DYNLT2B: variants seen among roughly 807,000 people sequenced by gnomAD.
DYNLT2B encodes dynein light chain Tctex-type 2B.
In DYNLT2B, 14 loss-of-function variants were observed where a neutral mutation model predicts 19.5. The observed-to-expected ratio is 0.72, with a 90% CI of 0.47 to 1.12. The LOEUF (loss-of-function observed/expected upper bound fraction) is 1.12. Ranked by LOEUF, DYNLT2B falls within the 50% of genes most tolerant of loss-of-function variation. The pLI is 0.00. For synonymous variants in DYNLT2B, 70 were observed against 59.7 expected (o/e 1.17, Z -0.79); for missense variants, 133 against 174.7 (o/e 0.76, Z 1.35).
At chr3:196,302,693 G>C (rs1182895679) in intron 3 of DYNLT2B, among the ~76,000 whole-genome samples, 1 of 152,142 alleles carries the variant, frequency 6.6e-6, no homozygotes, top group Non-Finnish European at 1.5e-5. Context: ...TGCTCTTTCA[G>C]TGTGGGCTGC....
intron 4 of DYNLT2B, among the ~76,000 whole-genome samples, chr3:196,294,047 A>G (rs1726162594): frequency 6.6e-6 from 1 of 151,904 alleles, no homozygotes; most frequent in Admixed American, 6.6e-5. Context: ...AGGGTAGTTA[A>G]GCATAAAATA....
chr3:196,311,245 T>C (rs896399498), intron 2 of DYNLT2B, among the ~76,000 whole-genome samples: 23 of 151,640 alleles, frequency 1.5e-4, no homozygotes, highest in African/African-American at 5.6e-4. Flanking sequence ...CAAAACCCCG[T>C]CTCTACAAAA....
intron 4 of DYNLT2B, 95 bp downstream of exon 4, chr3:196,295,911 A>G (rs958123082): frequency 3.9e-6 from 4 of 1,018,714 alleles, no homozygotes; most frequent in Non-Finnish European, 6.0e-6. Flanking sequence ...AATGACTAAG[A>G]CAGCAGTGTC....
At chr3:196,317,595 TCC>T (rs1726909945) in intron 1 of DYNLT2B, among the ~76,000 whole-genome samples, 1 of 151,922 alleles carries the variant, frequency 6.6e-6, no homozygotes, top group South Asian at 2.1e-4. Context: ...TCTAAGGGCC[TCC>T]AGATCCCACC....
intron 2 of DYNLT2B, among the ~76,000 whole-genome samples, chr3:196,311,356 GC>G (rs1242239270): frequency 2.0e-5 from 3 of 151,156 alleles, no homozygotes; most frequent in African/African-American, 7.3e-5. Context: ...AGCCAAGACT[GC>G]GCCACTGCAT....
chr3:196,294,134 C>T (rs1726165716), intron 4 of DYNLT2B, among the ~76,000 whole-genome samples: 1 of 152,024 alleles, frequency 6.6e-6, no homozygotes, highest in Admixed American at 6.6e-5. Flanking sequence ...GGCCGATCAC[C>T]TGAGGTCGGG....
intron 2 of DYNLT2B, among the ~76,000 whole-genome samples, chr3:196,309,549 G>A (rs968496318): frequency 1.3e-5 from 2 of 151,452 alleles, no homozygotes; most frequent in Non-Finnish European, 2.9e-5. Context: ...ACGGACGTGA[G>A]CCACCACACC....
At chr3:196,314,737 G>A (rs530008869) in intron 2 of DYNLT2B, among the ~76,000 whole-genome samples, 23 of 151,160 alleles carry the variant, frequency 1.5e-4, no homozygotes, top group Middle Eastern at 3.5e-3. Flanking sequence ...TGGGAGGATC[G>A]CTTGAGCCAG....
chr3:196,301,500 A>C (rs966469231), intron 3 of DYNLT2B, among the ~76,000 whole-genome samples: 1 of 152,128 alleles, frequency 6.6e-6, no homozygotes, highest in Non-Finnish European at 1.5e-5. Flanking sequence ...ATCACTTGAG[A>C]TCAGGAGTTC....
At chr3:196,297,984 C>T (rs1035125268) in intron 3 of DYNLT2B, 16 of 157,362 alleles carry the variant, frequency 1.0e-4, no homozygotes, top group Non-Finnish European at 2.3e-4. Context: ...ACAGTGGTGA[C>T]GTTTTCAGCT....
chr3:196,297,047 GC>G (rs2108790953), intron 3 of DYNLT2B, among the ~76,000 whole-genome samples: 1 of 151,344 alleles, frequency 6.6e-6, no homozygotes, highest in East Asian at 1.9e-4. Flanking sequence ...CAAAAAATTA[GC>G]CAGGCGTGGC....
At chr3:196,297,753 A>G (rs1726259548) in intron 3 of DYNLT2B, among the ~76,000 whole-genome samples, 1 of 152,196 alleles carries the variant, frequency 6.6e-6, no homozygotes. Flanking sequence ...AATTAAGTGT[A>G]CAAGGTCATA....
intron 2 of DYNLT2B, among the ~76,000 whole-genome samples, chr3:196,313,951 A>G (rs1243656990): frequency 6.6e-6 from 1 of 152,132 alleles, no homozygotes; most frequent in Non-Finnish European, 1.5e-5. Context: ...CACAAAAATT[A>G]GCCGGGCATG....
chr3:196,311,666 TTTATTTA>T (rs1414364237), intron 2 of DYNLT2B, among the ~76,000 whole-genome samples: 2 of 39,636 alleles, frequency 5.0e-5, no homozygotes, highest in African/African-American at 1.1e-4. Flanking sequence ...GATTATTTTA[TTTATTTA>T]TTTATTTATT....
intron 3 of DYNLT2B, among the ~76,000 whole-genome samples, chr3:196,297,484 C>G (rs886476661): frequency 2.5e-4 from 38 of 152,074 alleles, no homozygotes; most frequent in African/African-American, 8.5e-4. Flanking sequence ...AAGATTGTGC[C>G]ACTGCACTCC....
At chr3:196,299,879 C>T (rs1218901160) in intron 3 of DYNLT2B, among the ~76,000 whole-genome samples, 1 of 152,008 alleles carries the variant, frequency 6.6e-6, no homozygotes, top group Non-Finnish European at 1.5e-5. Context: ...TGCAGTGAGC[C>T]GAGATGGCAC....
Position 196,318,062 on chromosome 3 carries a change from G to A in DYNLT2B, c.91C>T (p.Leu31=). The change falls in exon 1 of 5, where the codon CTG becomes TTG. Residue 31 remains leucine, a synonymous_variant. Transcript: ENST00000325318. ...NAGEPENTYI[L]RPVFQQRFRP... is the part of the protein sequence containing the mutation. Reference sequence around the variant, plus strand: ...CGCCTCTGCTGGAAAACAGGCCGCAGAATATAGGTGTTCTCGGGCTCCCCT... The same window carrying A: ...CGCCTCTGCTGGAAAACAGGCCGCAAAATATAGGTGTTCTCGGGCTCCCCT... 1 of 1,557,012 alleles carries A rather than the reference G, an allele frequency of 6.4e-7. No individual in the cohort carries two copies.
intron 3 of DYNLT2B, among the ~76,000 whole-genome samples, chr3:196,297,667 G>A (rs1022044016): frequency 2.6e-5 from 4 of 152,010 alleles, no homozygotes; most frequent in African/African-American, 7.3e-5. Context: ...AGTGTTTTAC[G>A]TGTATTAACT....
At chr3:196,296,104 C>G in intron 3 of DYNLT2B, 35 bp from the exon 4 acceptor site, 1 of 1,577,588 alleles carries the variant, frequency 6.3e-7, no homozygotes, top group Non-Finnish European at 8.7e-7. Flanking sequence ...TATCAACAAT[C>G]TAACAAGGAC....
Sources: allele counts gnomAD v4.1 joint callset (sites outside exome capture counted in the v4.1 genomes callset), GRCh38; gene constraint gnomAD v4.1.1; transcripts MANE v1.5; gene names NCBI Gene and HGNC (gene_info 2026-07-23, HGNC 2026-07-21).